PPARA: variants seen among roughly 807,000 people sequenced by gnomAD.
PPARA encodes the protein peroxisome proliferator-activated receptor alpha.
PPARA carries 22 observed loss-of-function variants against 42.2 expected under a neutral mutation model. The observed-to-expected ratio is 0.52, with a 90% confidence interval of 0.37 to 0.74. PPARA has a LOEUF of 0.74. Among genes scored for constraint, PPARA ranks in the 30% least tolerant of loss-of-function variants. PPARA has a pLI of 0.00. For missense variants in PPARA, 465 were observed against 608.2 expected, an observed-to-expected ratio of 0.76 and a Z score of 2.48; for synonymous variants, 242 against 239.3, an observed-to-expected ratio of 1.01 and a Z score of -0.10.
In PPARA at chr22:46,230,339, C is replaced by T. The variant is rs1412942931; in HGVS notation, c.712-1453C>T. ...TGAGCCGAGATTGTGCCATTGCACT[C>T]CAGCCTGGGCAACAAGAGCAAAACT... is the stretch of plus-strand genomic sequence containing the variant. On this transcript the variant is annotated intron_variant, in intron 7 of 8. Coordinates refer to ENST00000407236, the MANE Select transcript of PPARA (RefSeq NM_005036.6). The surrounding 1 kb of genome is among the most constrained non-coding windows in gnomAD (Gnocchi z 5.0). 6.6e-6 allele frequency among the ~76,000 whole-genome samples: 1 copy of T among 151,774 alleles called. No individual in the cohort carries two copies. The highest frequency in any genetic ancestry group is 2.4e-5 in the African/African-American group (1 of 41,128).
At chr22:46,199,506 T>C (rs945135797) in intron 4 of PPARA, among the ~76,000 whole-genome samples, 4 of 151,968 alleles carry the variant, frequency 2.6e-5, no homozygotes, top group African/African-American at 9.7e-5. Context: ...TAGCCAGGCA[T>C]GGTGGTGCAT....
At position 46,184,894 on chromosome 22, in the gene PPARA, G is replaced by T. The variant is rs117597757; in HGVS notation, c.-43+8058G>T. ...GTATTCTGTTGGATCGTTTGTGTGC[G>T]ACGTGTTTTTCCCTCTCAGAAAGCT... On this transcript the variant is annotated intron_variant, in intron 3 of 8. Transcript: ENST00000407236. The surrounding 1 kb of genome is among the most constrained non-coding windows in gnomAD (Gnocchi z 4.4). Among the ~76,000 whole-genome samples, 1 of 152,236 alleles carries T rather than the reference G, an allele frequency of 6.6e-6. No individual in the cohort carries two copies. The highest frequency in any genetic ancestry group is 1.5e-5 in the Non-Finnish European group (1 of 68,022).
Position 46,232,356 on chromosome 22 carries a change from A to G in PPARA, c.1159+117A>G. The G allele has an allele frequency of 1.9e-6, 2 of 1,035,132 alleles. No homozygotes were observed. Among genetic ancestry groups the G allele is most frequent in the South Asian group, 2.5e-5 (2 of 78,684 alleles). The allele number at this position is 1,035,132 out of a possible 1,614,324, so 64.1% of individuals were successfully genotyped here. A position where few individuals can be genotyped will look rare whatever the true frequency, so the allele number is the denominator to read the frequency against. Reference sequence around the variant, plus strand: ...CTGTTCCAGTGGAGGGGACACTCACATGGTGGGAAGACGTCTGACCCCCAG... The same window carrying G: ...CTGTTCCAGTGGAGGGGACACTCACGTGGTGGGAAGACGTCTGACCCCCAG... On this transcript the variant is annotated intron_variant, in intron 8 of 8. Coordinates refer to ENST00000407236, the MANE Select transcript of PPARA (RefSeq NM_005036.6). This position sits in a 1 kb window ranked among gnomAD's most constrained non-coding sequence, Gnocchi z 5.3.
At chr22:46,185,219 A>C (rs1156533221) in intron 3 of PPARA, among the ~76,000 whole-genome samples, 1 of 152,166 alleles carries the variant, frequency 6.6e-6, no homozygotes, top group African/African-American at 2.4e-5. Context: ...ACTTTCTGTG[A>C]GATCAGGCCC....
In PPARA at chr22:46,176,784, GC is replaced by G. The variant is rs1489669626; in HGVS notation, c.-93del. The G allele has an allele frequency of 6.6e-6, 1 of 152,376 alleles. No homozygotes were observed. The highest frequency in any genetic ancestry group is 2.4e-5 in the African/African-American group (1 of 41,462). The allele number at this position is 152,376 out of a possible 1,614,324, so 9.4% of individuals were successfully genotyped here. On this transcript the variant is annotated 5_prime_UTR_variant, in exon 3 of 9. Coordinates refer to ENST00000407236, the MANE Select transcript of PPARA (RefSeq NM_005036.6). Reference sequence around the variant, plus strand: ...AGGCTGGGAAGTTCAAGATCAAAGTGCCAGCAGATTCAGTGTCATGTGAGGA... The same window carrying G: ...AGGCTGGGAAGTTCAAGATCAAAGTGCAGCAGATTCAGTGTCATGTGAGGA...
intron 3 of PPARA, among the ~76,000 whole-genome samples, chr22:46,178,196 A>G (rs1364789496): frequency 6.6e-6 from 1 of 152,222 alleles, no homozygotes; most frequent in Admixed American, 6.5e-5. Context: ...AAAACATGAA[A>G]TATTTCTATC....
At chr22:46,229,071 C>G (rs997922270) in intron 7 of PPARA, among the ~76,000 whole-genome samples, 3 of 150,604 alleles carry the variant, frequency 2.0e-5, no homozygotes, top group African/African-American at 7.3e-5. Context: ...CACGCCACTG[C>G]ACTCCAGCCT....
rs575605109 is a variant in PPARA at position 46,191,287 on chromosome 22, C to T, written c.-42-7055C>T. On this transcript the variant is annotated intron_variant, in intron 3 of 8. Transcript: ENST00000407236. This position sits in a 1 kb window ranked among gnomAD's most constrained non-coding sequence, Gnocchi z 4.6. Reference sequence around the variant, plus strand: ...CAAGGGTGCACACGTGGGTGAGACACGGCAGCTGCTCTCCAGAAGCCCACA... The same window carrying T: ...CAAGGGTGCACACGTGGGTGAGACATGGCAGCTGCTCTCCAGAAGCCCACA... Among the ~76,000 whole-genome samples the T allele has an allele frequency of 3.9e-5, 6 of 152,166 alleles. No individual in the cohort carries two copies. The highest frequency in any genetic ancestry group is 7.2e-5 in the African/African-American group (3 of 41,444).
At chr22:46,202,708 C>G (rs1932902266) in intron 4 of PPARA, among the ~76,000 whole-genome samples, 1 of 151,254 alleles carries the variant, frequency 6.6e-6, no homozygotes, top group African/African-American at 2.4e-5. Context: ...TCTTGCTGCC[C>G]AGGCTGGAGT....
rs1259195617 is a variant in PPARA, at chr22:46,237,837, A to G, written c.*2457A>G. 1.3e-5 allele frequency: 2 copies of G among 152,280 alleles called. No homozygotes were observed. Among genetic ancestry groups the G allele is most frequent in the East Asian group, 1.9e-4 (1 of 5,196 alleles). The allele number at this position is 152,280 out of a possible 1,614,324, so 9.4% of individuals were successfully genotyped here. Reference sequence around the variant, plus strand: ...TCCTAAAATGAGAAGCCCCTGTGTCAACAAGATCCAGGGGCTGGAGCCCAA... The same window carrying G: ...TCCTAAAATGAGAAGCCCCTGTGTCGACAAGATCCAGGGGCTGGAGCCCAA... On this transcript the variant is annotated 3_prime_UTR_variant, in exon 9 of 9. Coordinates refer to ENST00000407236, the MANE Select transcript of PPARA (RefSeq NM_005036.6). The surrounding 1 kb of genome is among the most constrained non-coding windows in gnomAD (Gnocchi z 6.7).
chr22:46,228,306 G>A (rs932895635), intron 7 of PPARA, among the ~76,000 whole-genome samples: 8 of 152,130 alleles, frequency 5.3e-5, no homozygotes, highest in African/African-American at 1.2e-4. Context: ...AGGCTGAAGC[G>A]GGTGGATCAC....
At chr22:46,177,463 C>CAAA (rs34148860) in intron 3 of PPARA, among the ~76,000 whole-genome samples, 2 of 86,404 alleles carry the variant, frequency 2.3e-5, no homozygotes, top group East Asian at 4.2e-4. Context: ...GACTCCATCT[C>CAAA]AAAAAAAAAA....
chr22:46,185,894 CCA>C lies in PPARA; in HGVS notation c.-43+9059_-43+9060del, dbSNP rs1491176830. Among the ~76,000 whole-genome samples, 4 of 20,860 alleles carry C rather than the reference CCA, an allele frequency of 1.9e-4. 2 individuals carry two copies. Among genetic ancestry groups the C allele is most frequent in the African/African-American group, 1.1e-3 (4 of 3,672 alleles). 13.7% of individuals were successfully genotyped at this position (20,860 alleles called of 152,430 possible). A position where few individuals can be genotyped will look rare whatever the true frequency, so the allele number is the denominator to read the frequency against. On this transcript the variant is annotated intron_variant, in intron 3 of 8. Transcript: ENST00000407236. ...TGGGTGACAAAGTGAGACTCCGTCT[CCA>C]AAAAAAAAAAAAAAAAAAAAATATA...
intron 7 of PPARA, among the ~76,000 whole-genome samples, chr22:46,226,694 G>A (rs559667756): frequency 1.3e-5 from 2 of 152,218 alleles, no homozygotes; most frequent in Admixed American, 1.3e-4. Flanking sequence ...GCCGGCTTGG[G>A]CAACATAGTG....
intron 2 of PPARA, among the ~76,000 whole-genome samples, chr22:46,166,899 A>C (rs1276463897): frequency 1.3e-5 from 2 of 152,196 alleles, no homozygotes; most frequent in African/African-American, 4.8e-5. Flanking sequence ...GTTTATATGG[A>C]AATGCAAGGA....
intron 2 of PPARA, among the ~76,000 whole-genome samples, chr22:46,168,059 A>G (rs1270203343): frequency 6.6e-6 from 1 of 151,696 alleles, no homozygotes; most frequent in African/African-American, 2.4e-5. Flanking sequence ...TCAGTCTCTT[A>G]AAGAAGAAAG....
Position 46,198,562 on chromosome 22 carries a change from G to C in PPARA, c.179G>C (p.Cys60Ser). Reference protein sequence around the residue: ...GFTEYQYLGSCPGSDGSVITD... With the variant: ...GFTEYQYLGSSPGSDGSVITD... ...ACGGAATACCAGTATTTAGGAAGCT[G>C]TCCTGGCTCAGATGGCTCGGTCATC... is the stretch of plus-strand genomic sequence containing the variant. The change falls in exon 4 of 9, where the codon TGT becomes TCT. Residue 60 changes from cysteine (C) to serine (S), a missense_variant. By Grantham distance (112) the Cys-to-Ser change is moderately radical. Transcript: ENST00000407236. 6.2e-7 allele frequency: 1 copy of C among 1,613,748 alleles called. No individual in the cohort carries two copies.
At chr22:46,208,254 GT>G (rs1933582357) in intron 4 of PPARA, among the ~76,000 whole-genome samples, 1 of 152,022 alleles carries the variant, frequency 6.6e-6, no homozygotes, top group Non-Finnish European at 1.5e-5. Context: ...TTTGTGTGTG[GT>G]GAGAACATGT....
In PPARA at chr22:46,224,927, G is replaced by C. The variant is rs1361519869; in HGVS notation, c.711+4913G>C. ...AGATCAGCTCGTGGCCTTCAGATCAGATGACGCAAAGCCCCATGGCTGAGC... is the reference window on the plus strand; with the variant it reads ...AGATCAGCTCGTGGCCTTCAGATCACATGACGCAAAGCCCCATGGCTGAGC... On this transcript the variant is annotated intron_variant, in intron 7 of 8. Transcript: ENST00000407236. This position sits in a 1 kb window ranked among gnomAD's most constrained non-coding sequence, Gnocchi z 5.7. Among the ~76,000 whole-genome samples, 1 of 147,092 alleles carries C rather than the reference G, an allele frequency of 6.8e-6. No homozygotes were observed. Among genetic ancestry groups the C allele is most frequent in the African/African-American group, 2.5e-5 (1 of 40,086 alleles).
Sources: allele counts gnomAD v4.1 joint callset (sites outside exome capture counted in the v4.1 genomes callset), GRCh38; gene constraint gnomAD v4.1.1; non-coding constraint Gnocchi (gnomAD v3.1); transcripts MANE v1.5; gene names NCBI Gene and HGNC (gene_info 2026-07-23, HGNC 2026-07-21).